SPON2: variants seen among roughly 807,000 people sequenced by gnomAD.
The protein encoded by SPON2 is spondin 2.
A neutral mutation model predicts 29.9 loss-of-function variants in SPON2; 32 were observed. That is an observed-to-expected ratio of 1.07 (90% CI 0.81 to 1.44). The LOEUF is 1.44. SPON2 is among the 40% of genes most tolerant of loss of function. The pLI is 0.00. For synonymous variants in SPON2, 248 were observed against 209.1 expected (o/e 1.19, Z -1.61); for missense variants, 541 against 455.5 (o/e 1.19, Z -1.71).
chr4:1,178,087 ACGGGCTCTG>A, upstream of SPON2, among the ~76,000 whole-genome samples: 1 of 145,950 alleles, frequency 6.9e-6, no homozygotes, highest in East Asian at 2.0e-4. Context: ...GCCAGACACC[ACGGGCTCTG>A]CACACACCGA....
chr4:1,190,717 A>G (rs1455354230), intron 1 of SPON2, among the ~76,000 whole-genome samples: 1 of 152,252 alleles, frequency 6.6e-6, no homozygotes, highest in African/African-American at 2.4e-5. Flanking sequence ...CAAAATCATC[A>G]GAAATCCATG....
At chr4:1,182,384 A>G (rs1265201242) in intron 1 of SPON2, among the ~76,000 whole-genome samples, 1 of 152,226 alleles carries the variant, frequency 6.6e-6, no homozygotes, top group Non-Finnish European at 1.5e-5. Flanking sequence ...AATATTCATA[A>G]AAAGATATAA....
chr4:1,204,637 A>G (rs1728294571), intron 1 of SPON2, among the ~76,000 whole-genome samples: 1 of 152,042 alleles, frequency 6.6e-6, no homozygotes, highest in South Asian at 2.1e-4. Context: ...TAGTTTTCTT[A>G]CTTATTTTTC....
chr4:1,174,962 G>T (rs1727563080), upstream of SPON2, among the ~76,000 whole-genome samples: 1 of 152,216 alleles, frequency 6.6e-6, no homozygotes, highest in African/African-American at 2.4e-5. Flanking sequence ...GGGAGCAAAA[G>T]GTGCCCTCAT....
chr4:1,169,166 C>T (rs1290427590), intron 5 of SPON2, among the ~76,000 whole-genome samples: 1 of 152,010 alleles, frequency 6.6e-6, no homozygotes. Context: ...CCATGTGCTC[C>T]CCTGCCCACT....
chr4:1,203,916 G>C (rs952643117), intron 1 of SPON2, among the ~76,000 whole-genome samples: 1 of 152,096 alleles, frequency 6.6e-6, no homozygotes, highest in African/African-American at 2.4e-5. Flanking sequence ...TGTCACCCAG[G>C]CTGGAGTGCA....
At chr4:1,170,372 T>C (rs779009665) in intron 5 of SPON2, 30 bp downstream of exon 5, 11 of 1,598,638 alleles carry the variant, frequency 6.9e-6, no homozygotes, top group Non-Finnish European at 8.5e-6. Flanking sequence ...GGGGCTGCTG[T>C]GTGTCCCATG....
rs1728021274 is a variant in SPON2 at position 1,194,987 on chromosome 4, CACCTCACAGCCGGCGGT to C, written c.-253_-239+2del. On this transcript the variant is annotated splice_donor_variant and 5_prime_UTR_variant, in exon 1 of 4. Coordinates refer to the SPON2 transcript ENST00000502483. LOFTEE classifies it low-confidence loss of function (5UTR_SPLICE). The stretch of plus-strand genomic sequence containing the variant: ...ACTCCAACCCCGCAGCCGGCGGCCT[CACCTCACAGCCGGCGGT>C]TCCAACCCCGCAGCCGGCGGCTCCA... 7.1e-6 allele frequency: 1 copy of C among 140,550 alleles called. No individual in the cohort carries two copies. Among genetic ancestry groups the C allele is most frequent in the African/African-American group, 2.7e-5 (1 of 36,850 alleles). The allele number at this position is 140,550 out of a possible 1,614,324, so 8.7% of individuals were successfully genotyped here. A position where few individuals can be genotyped will look rare whatever the true frequency, so the allele number is the denominator to read the frequency against.
intron 1 of SPON2, among the ~76,000 whole-genome samples, chr4:1,187,631 A>G (rs1360811155): frequency 6.6e-6 from 1 of 152,176 alleles, no homozygotes; most frequent in Non-Finnish European, 1.5e-5. Flanking sequence ...TAATATCTTA[A>G]TTTATAACAA....
intron 5 of SPON2, 199 bp from the exon 6 acceptor site, chr4:1,167,855 A>T (rs987860474): frequency 2.0e-5 from 10 of 501,466 alleles, no homozygotes; most frequent in Non-Finnish European, 3.4e-5. Context: ...CAACCTAGGG[A>T]CTGGAGTTGC....
At chr4:1,194,325 T>G (rs999564455) in intron 1 of SPON2, among the ~76,000 whole-genome samples, 1 of 152,032 alleles carries the variant, frequency 6.6e-6, no homozygotes, top group Admixed American at 6.5e-5. Flanking sequence ...CACCCGCAGG[T>G]CCCGATAGAG....
chr4:1,176,848 C>T (rs1442063935), upstream of SPON2, among the ~76,000 whole-genome samples: 1 of 151,228 alleles, frequency 6.6e-6, no homozygotes, highest in Non-Finnish European at 1.5e-5. Context: ...AGTTCATTCA[C>T]ACACTTCATT....
chr4:1,174,887 C>T (rs545542402), upstream of SPON2, among the ~76,000 whole-genome samples: 32 of 152,198 alleles, frequency 2.1e-4, no homozygotes, highest in Admixed American at 2.6e-4. Context: ...CGTATGTTAC[C>T]AGCCTTGTCA....
intron 1 of SPON2, among the ~76,000 whole-genome samples, chr4:1,206,873 TGAGCAGGTGAGGGGATAGGTGG>T (rs1255043909): frequency 2.2e-4 from 33 of 148,842 alleles, no homozygotes; most frequent in Non-Finnish European, 1.5e-5. Context: ...TGAGCAGGTG[TGAGCAGGTGAGGGGATAGGTGG>T]GAGACACATG....
At chr4:1,206,583 G>A (rs925847772) in intron 1 of SPON2, among the ~76,000 whole-genome samples, 1 of 152,178 alleles carries the variant, frequency 6.6e-6, no homozygotes, top group Admixed American at 6.5e-5. Flanking sequence ...AGCAAAAGCA[G>A]CAGCTCCTCA....
upstream of SPON2, among the ~76,000 whole-genome samples, chr4:1,174,780 G>C (rs902688804): frequency 5.3e-5 from 8 of 152,172 alleles, no homozygotes; most frequent in African/African-American, 1.9e-4. Flanking sequence ...TGTATTGTCC[G>C]GCTTAGTGGA....
chr4:1,178,473 C>A (rs541649610), intron 2 of SPON2, among the ~76,000 whole-genome samples: 1 of 152,266 alleles, frequency 6.6e-6, no homozygotes, highest in South Asian at 2.1e-4. Context: ...GCCCCACTCT[C>A]CTCTGTCCCT....
Position 1,171,612 on chromosome 4 carries a change from G to C in SPON2, c.221-126C>G, listed in dbSNP as rs944653249. ...GGAACCATGGCCCCCAGTCACGTCGGACCGTGACACCCTGTGGCTGCCCCT... is the reference window on the plus strand; with the variant it reads ...GGAACCATGGCCCCCAGTCACGTCGCACCGTGACACCCTGTGGCTGCCCCT... On this transcript the variant is annotated intron_variant, in intron 2 of 5. Coordinates refer to ENST00000290902, the MANE Select transcript of SPON2 (RefSeq NM_012445.4). The C allele has an allele frequency of 7.6e-6, 8 of 1,049,060 alleles. No individual in the cohort carries two copies. In the African/African-American group the frequency reaches 1.1e-4, roughly 14 times the overall value. The allele number at this position is 1,049,060 out of a possible 1,614,324, so 65.0% of individuals were successfully genotyped here. A position where few individuals can be genotyped will look rare whatever the true frequency, so the allele number is the denominator to read the frequency against.
intron 1 of SPON2, chr4:1,201,259 C>A (rs1728197974): frequency 2.5e-6 from 1 of 394,304 alleles, no homozygotes; most frequent in Non-Finnish European, 5.3e-6. Context: ...GGGCCCCATG[C>A]CCGCCCTACC....
Sources: gnomAD v4.1 joint callset for allele counts (sites outside exome capture counted in the v4.1 genomes callset) on GRCh38, gnomAD v4.1.1 for gene constraint, MANE v1.5 for transcripts, NCBI Gene and HGNC (gene_info 2026-07-23, HGNC 2026-07-21) for gene names.